MTUS2: variants seen among roughly 807,000 people sequenced by gnomAD.
The protein encoded by MTUS2 is microtubule associated scaffold protein 2.
MTUS2 carries 40 observed loss-of-function variants against 114.1 expected under a neutral mutation model. The ratio of observed to expected loss-of-function variants is 0.35; its 90% CI spans 0.27 to 0.46. The LOEUF (loss-of-function observed/expected upper bound fraction) is 0.46. MTUS2 is among the 20% of genes least tolerant of loss of function. MTUS2 has a pLI of 1.00. For missense variants in MTUS2, 1,679 were observed against 1,705.4 expected, an observed-to-expected ratio of 0.98 and a Z score of 0.27; for synonymous variants, 688 against 672.0, an observed-to-expected ratio of 1.02 and a Z score of -0.37.
At chr13:29,490,122 G>C (rs888598652) in intron 11 of MTUS2, 1 of 152,160 alleles carries the variant, frequency 6.6e-6, no homozygotes, top group South Asian at 2.1e-4. Flanking sequence ...TGCTGCTCTC[G>C]ATGACTGTAA....
intron 2 of MTUS2, among the ~76,000 whole-genome samples, chr13:28,953,091 A>T (rs1373840410): frequency 6.6e-6 from 1 of 151,778 alleles, no homozygotes; most frequent in Non-Finnish European, 1.5e-5. Flanking sequence ...TTGCATCTGG[A>T]TGGAAATGTT....
At chr13:28,821,390 A>G (rs1202735670) in intron 1 of MTUS2, among the ~76,000 whole-genome samples, 1 of 152,242 alleles carries the variant, frequency 6.6e-6, no homozygotes, top group East Asian at 1.9e-4. Context: ...TATTGATAAA[A>G]AGATCCTACA....
chr13:29,112,575 G>T (rs1890923746), intron 5 of MTUS2, among the ~76,000 whole-genome samples: 1 of 152,190 alleles, frequency 6.6e-6, no homozygotes, highest in Non-Finnish European at 1.5e-5. Context: ...ACCGTAGCAG[G>T]AGAAGTTGGT....
intron 2 of MTUS2, among the ~76,000 whole-genome samples, chr13:28,897,013 C>T (rs1415895493): frequency 6.6e-6 from 1 of 152,176 alleles, no homozygotes; most frequent in African/African-American, 2.4e-5. Flanking sequence ...ATGTCTAAAA[C>T]ACCAAAAGCA....
In MTUS2 at chr13:28,822,358, C is replaced by T. The variant is rs191039641; in HGVS notation, c.-316+1747C>T. Among the ~76,000 whole-genome samples, 9 of 152,168 alleles carry T rather than the reference C, an allele frequency of 5.9e-5. No homozygotes were observed. In the East Asian group the frequency reaches 9.7e-4, roughly 16 times the overall value. On this transcript the variant is annotated intron_variant, in intron 1 of 15. Transcript: ENST00000612955. ...TTAAAGCCAAAATCCAGGAGGATGCCGAAACCCACTCCGGCATACGCACTT... is the reference window on the plus strand; with the variant it reads ...TTAAAGCCAAAATCCAGGAGGATGCTGAAACCCACTCCGGCATACGCACTT...
intron 1 of MTUS2, among the ~76,000 whole-genome samples, chr13:28,833,173 G>A (rs1422453416): frequency 6.6e-6 from 1 of 152,110 alleles, no homozygotes; most frequent in Non-Finnish European, 1.5e-5. Context: ...TTTGCATAAT[G>A]TTTTTCAAGA....
At chr13:28,968,832 G>A (rs1309379128) in intron 2 of MTUS2, among the ~76,000 whole-genome samples, 1 of 151,968 alleles carries the variant, frequency 6.6e-6, no homozygotes, top group Non-Finnish European at 1.5e-5. Flanking sequence ...TCATTATCAT[G>A]TAAAGGATTA....
chr13:29,439,931 C>G, intron 8 of MTUS2, 52 bp from the exon 9 acceptor site: 1 of 1,352,668 alleles, frequency 7.4e-7, no homozygotes, highest in Non-Finnish European at 1.0e-6. Flanking sequence ...TGTGAAAGTG[C>G]TTATCTAGCA....
chr13:28,970,725 A>G (rs539160753), intron 2 of MTUS2, among the ~76,000 whole-genome samples: 3 of 152,308 alleles, frequency 2.0e-5, no homozygotes, highest in East Asian at 3.9e-4. Context: ...CTCAGATGCC[A>G]TATTCCCCTC....
chr13:29,189,722 C>T (rs1479665097), intron 5 of MTUS2, among the ~76,000 whole-genome samples: 1 of 152,136 alleles, frequency 6.6e-6, no homozygotes, highest in Non-Finnish European at 1.5e-5. Flanking sequence ...CACCTCACAG[C>T]TGAGGTGGAC....
intron 2 of MTUS2, among the ~76,000 whole-genome samples, chr13:28,878,321 A>AT (rs1878082644): frequency 6.6e-6 from 1 of 151,822 alleles, no homozygotes; most frequent in South Asian, 2.1e-4. Context: ...ACACATATAC[A>AT]TTTTTTGTTT....
intron 2 of MTUS2, among the ~76,000 whole-genome samples, chr13:28,872,649 T>TA (rs1877689827): frequency 6.6e-6 from 1 of 152,074 alleles, no homozygotes; most frequent in South Asian, 2.1e-4. Context: ...AGGGAGCTGG[T>TA]TTAGCAATCA....
intron 5 of MTUS2, among the ~76,000 whole-genome samples, chr13:29,134,839 A>T (rs1331696368): frequency 6.6e-6 from 1 of 152,120 alleles, no homozygotes; most frequent in Non-Finnish European, 1.5e-5. Flanking sequence ...GCCCGCCTTG[A>T]CCTTCCAAAG....
intron 7 of MTUS2, among the ~76,000 whole-genome samples, chr13:29,356,839 T>C (rs1869782694): frequency 6.6e-6 from 1 of 152,216 alleles, no homozygotes; most frequent in Non-Finnish European, 1.5e-5. Context: ...CCTTGATCTG[T>C]GCTCTGACAG....
At chr13:29,450,021 G>A (rs58638267) in intron 9 of MTUS2, among the ~76,000 whole-genome samples, 6,537 of 152,274 alleles carry the variant, frequency 0.043, 451 homozygotes, top group African/African-American at 0.15. Context: ...CAAGGTGGAG[G>A]ACCATGATGC....
chr13:28,980,771 G>C (rs575176793), intron 2 of MTUS2, among the ~76,000 whole-genome samples: 1 of 152,172 alleles, frequency 6.6e-6, no homozygotes, highest in East Asian at 1.9e-4. Context: ...TGTTTTTGTC[G>C]TTGTTGTTTG....
intron 5 of MTUS2, among the ~76,000 whole-genome samples, chr13:29,143,953 A>T (rs888497073): frequency 6.6e-6 from 1 of 152,226 alleles, no homozygotes; most frequent in African/African-American, 2.4e-5. Flanking sequence ...ATTGGAATGC[A>T]GAAGTGCCAT....
rs574092734 is a variant in MTUS2, at chr13:28,850,443, T to C, written c.-243+10593T>C. 1.8e-4 allele frequency among the ~76,000 whole-genome samples: 28 copies of C among 152,350 alleles called. No individual in the cohort carries two copies. In the South Asian group the frequency reaches 5.6e-3, roughly 30 times the overall value. On this transcript the variant is annotated intron_variant, in intron 2 of 15. Coordinates refer to ENST00000612955, the MANE Select transcript of MTUS2 (RefSeq NM_001033602.4). ...GCTAATTGGCCAGCGACAGCCCTGC[T>C]GGGCTAGGCATTCTGTCAGTCTCAC...
chr13:29,089,549 TC>T (rs1162679117), intron 4 of MTUS2, among the ~76,000 whole-genome samples: 1 of 152,198 alleles, frequency 6.6e-6, no homozygotes, highest in Non-Finnish European at 1.5e-5. Flanking sequence ...AAATATGTTT[TC>T]CAAGTTGCTT....
Sources: gnomAD v4.1 joint callset for allele counts (sites outside exome capture counted in the v4.1 genomes callset) on GRCh38, gnomAD v4.1.1 for gene constraint, MANE v1.5 for transcripts, NCBI Gene and HGNC (gene_info 2026-07-23, HGNC 2026-07-21) for gene names.